Variants in PLXND1 observed in about 807,000 individuals in gnomAD.
PLXND1 encodes plexin-D1.
PLXND1 carries 54 observed loss-of-function variants against 197.7 expected under a neutral mutation model. The ratio of observed to expected loss-of-function variants is 0.27; its 90% CI spans 0.22 to 0.34. PLXND1 has a LOEUF of 0.34. Ranked by LOEUF, PLXND1 falls within the 10% of genes least tolerant of loss-of-function variation. The probability of loss-of-function intolerance (pLI) is 1.00; values close to 1 mark genes in which losing one functional copy is unlikely to be tolerated. For missense variants in PLXND1, 2,127 were observed against 2,699.2 expected (o/e 0.79, Z 4.70); for synonymous variants, 1,180 against 1,161.2 (o/e 1.02, Z -0.33).
At chr3:129,560,572 A>C (rs1578304919) in intron 30 of PLXND1, 117 bp downstream of exon 30, 1 of 966,708 alleles carries the variant, frequency 1.0e-6, no homozygotes, top group Non-Finnish European at 1.6e-6. Context: ...CTACTCCCCC[A>C]CCCCCCAGCC....
At chr3:129,589,760 GT>G (rs995311278) in intron 1 of PLXND1, among the ~76,000 whole-genome samples, 31 of 152,282 alleles carry the variant, frequency 2.0e-4, no homozygotes, top group African/African-American at 7.5e-4. Flanking sequence ...GATGTTCAAG[GT>G]ACACGGGAAC....
chr3:129,575,541 G>C lies in PLXND1; in HGVS notation c.2458C>G (p.Gln820Glu), dbSNP rs763611949. 9.0e-6 allele frequency: 14 copies of C among 1,556,584 alleles called. No homozygotes were observed. The South Asian group carries it at 1.4e-4, about 16-fold the overall frequency. The change falls in exon 11 of 36, where the codon CAG becomes GAG. Residue 820 changes from glutamine (Q) to glutamate (E), a missense_variant. Around this residue, in one of 6 missense-constraint regions of PLXND1, gnomAD observed 1,095 missense variants for 1,259.8 expected, o/e 0.87. Transcript: ENST00000324093. ...AGTTGGAGGCTGAGCGGGAACACCT[G>C]GCTCTTCCGGGTCGTGTGCAGCTGC... is the stretch of plus-strand genomic sequence containing the variant. ...QVVLHTTRKS[Q>E]VFPLSLQLKG...
Position 129,562,803 on chromosome 3 carries a change from T to C in PLXND1, c.4809A>G (p.Ala1603=). 1 of 1,601,630 alleles carries C rather than the reference T, an allele frequency of 6.2e-7. No homozygotes were observed. The highest frequency in any genetic ancestry group is 2.2e-5 in the East Asian group (1 of 44,504). The change falls in exon 27 of 36, where the codon GCA becomes GCG. Residue 1603 remains alanine (A), a synonymous_variant. Coordinates refer to ENST00000324093, the MANE Select transcript of PLXND1 (RefSeq NM_015103.3). The part of the protein sequence containing the change: ...KNVPYSQWPR[A]EDVDLEWFAS... ...CCCACCCACCAAGGTCGACGTCCTC[T>C]GCACGCGGCCACTGGGAGTAGGGCA...
At chr3:129,569,001 T>C (rs776282608) in intron 20 of PLXND1, among the ~76,000 whole-genome samples, 5 of 152,386 alleles carry the variant, frequency 3.3e-5, no homozygotes, top group South Asian at 2.1e-4. Context: ...TTCAGCTTTC[T>C]GTCTCTATGA....
intron 9 of PLXND1, among the ~76,000 whole-genome samples, chr3:129,576,630 C>A (rs1158915181): frequency 6.6e-6 from 1 of 152,156 alleles, no homozygotes; most frequent in African/African-American, 2.4e-5. Flanking sequence ...GCTGGAAGAG[C>A]CCTGGCCTGG....
intron 5 of PLXND1, among the ~76,000 whole-genome samples, chr3:129,585,435 G>A (rs903880848): frequency 3.9e-5 from 6 of 152,234 alleles, no homozygotes; most frequent in Non-Finnish European, 5.9e-5. Flanking sequence ...GGCACAAGCC[G>A]GGGGAGACCC....
chr3:129,562,538 C>T, intron 27 of PLXND1: 1 of 422,098 alleles, frequency 2.4e-6, no homozygotes, highest in Non-Finnish European at 4.2e-6. Flanking sequence ...CAACCCTACT[C>T]CAGCATCCCT....
Position 129,561,792 on chromosome 3 carries a change from G to A in PLXND1, c.4929+8C>T. 6.2e-7 allele frequency: 1 copy of A among 1,603,462 alleles called. No homozygotes were observed. ...GTGGGGAAATGGGGGCGGGGGGCAG[G>A]GCTGCACCTTGTAATGGGCCAGCGT... is the stretch of plus-strand genomic sequence containing the variant. On this transcript the variant is annotated splice_region_variant and intron_variant, in intron 28 of 35. Transcript: ENST00000324093.
At chr3:129,598,504 T>C (rs372947444) in intron 1 of PLXND1, among the ~76,000 whole-genome samples, 104 of 152,152 alleles carry the variant, frequency 6.8e-4, no homozygotes, top group African/African-American at 2.4e-3. Flanking sequence ...GCCTCTGGTA[T>C]GTGTGGGTGG....
At chr3:129,573,863 A>G in intron 12 of PLXND1, 118 bp from the exon 13 acceptor site, 1 of 1,136,216 alleles carries the variant, frequency 8.8e-7, no homozygotes. Flanking sequence ...GCTTAGAGGA[A>G]GGTCTGGAGG....
Position 129,560,323 on chromosome 3 carries a change from G to C in PLXND1, c.5133+7C>G. 1 of 1,581,310 alleles carries C rather than the reference G, an allele frequency of 6.3e-7. No individual in the cohort carries two copies. The highest frequency in any genetic ancestry group is 8.7e-7 in the Non-Finnish European group (1 of 1,149,994). ...CTGCACAGAGGGGAGACTGAGGCCG[G>C]ACTCACCTTGGTGGAGAGCAGGCGG... On this transcript the variant is annotated splice_region_variant and intron_variant, in intron 31 of 35. Transcript: ENST00000324093.
chr3:129,579,756 C>T (rs1192323002), intron 8 of PLXND1, among the ~76,000 whole-genome samples: 1 of 152,216 alleles, frequency 6.6e-6, no homozygotes, highest in African/African-American at 2.4e-5. Flanking sequence ...AAAGCAAAAG[C>T]GTCCATGGGC....
In PLXND1 at chr3:129,558,442, G is replaced by A. The variant is rs1395492724; in HGVS notation, c.5431C>T (p.Leu1811=). The A allele has an allele frequency of 1.9e-6, 3 of 1,613,582 alleles. No homozygotes were observed. The Admixed American group carries it at 5.0e-5, about 27-fold the overall frequency. The change falls in exon 33 of 36, where the codon CTG becomes TTG. Residue 1811 remains leucine (L), a synonymous_variant. Transcript: ENST00000324093. The surrounding 1 kb of genome is among the most constrained non-coding windows in gnomAD (Gnocchi z 4.1). ...GAACAGCTGACCTTGCCCAGCTGCA[G>A]GTCAGAGATGGAGCAGGCGTCGATG... ...AFIDACSISD[L]QLGKDSPTNK... is the part of the protein sequence containing the mutation.
chr3:129,559,643 G>A lies in PLXND1; in HGVS notation c.5274C>T (p.Thr1758=). Residue 1758 remains threonine, a synonymous_variant, in exon 32 of 36, where the codon ACC becomes ACT. Coordinates refer to ENST00000324093, the MANE Select transcript of PLXND1 (RefSeq NM_015103.3). ...ACCTGTTGGTCTTCCAGATGTGTAG[G>A]GTGTCGGGGTCGGAGATTCCCCTCT... is the stretch of plus-strand genomic sequence containing the variant. ...AEKRGISDPD[T]LHIWKTNSLP... is the part of the protein sequence containing the mutation. The A allele has an allele frequency of 6.2e-6, 10 of 1,608,956 alleles. No individual in the cohort carries two copies. The highest frequency in any genetic ancestry group is 8.5e-6 in the Non-Finnish European group (10 of 1,177,610).
In PLXND1 at chr3:129,606,042, C is replaced by T. The variant is rs762099940; in HGVS notation, c.598G>A (p.Ala200Thr). 9.4e-6 allele frequency: 15 copies of T among 1,592,674 alleles called. No homozygotes were observed. In the East Asian group the frequency reaches 2.0e-4, roughly 22 times the overall value. Reference sequence around the variant, plus strand: ...AGCAGGCGGCTGCCCCCCGCGCCCGCGGCGGGAGGCAGAACTAGCCCCACG... The same window carrying T: ...AGCAGGCGGCTGCCCCCCGCGCCCGTGGCGGGAGGCAGAACTAGCCCCACG... ...STVGLVLPPAAGAGGSRLLVG... is the reference protein window; with the variant it reads ...STVGLVLPPATGAGGSRLLVG... The change falls in exon 1 of 36, where the codon GCG (alanine) becomes ACG (threonine). Residue 200 changes from alanine to threonine, a missense_variant. Ala to Thr is a moderately conservative substitution (Grantham distance 58, BLOSUM62 0). Around this residue, in one of 6 missense-constraint regions of PLXND1, gnomAD observed 1,095 missense variants for 1,259.8 expected, o/e 0.87. Coordinates refer to ENST00000324093, the MANE Select transcript of PLXND1 (RefSeq NM_015103.3).
intron 29 of PLXND1, 50 bp downstream of exon 29, chr3:129,561,596 C>A (rs1367095022): frequency 1.6e-5 from 22 of 1,380,270 alleles, no homozygotes; most frequent in Non-Finnish European, 2.1e-5. Context: ...GGGATGGAAG[C>A]CCCTGTCCAC....
At chr3:129,582,169 A>T (rs763990373) in intron 8 of PLXND1, among the ~76,000 whole-genome samples, 1 of 152,262 alleles carries the variant, frequency 6.6e-6, no homozygotes, top group Non-Finnish European at 1.5e-5. Context: ...CTCTTCTTCA[A>T]AGCAGTTATG....
At chr3:129,591,375 G>C (rs905069422) in intron 1 of PLXND1, 1 of 152,508 alleles carries the variant, frequency 6.6e-6, no homozygotes, top group African/African-American at 2.4e-5. Flanking sequence ...CGTGCCTGTA[G>C]TTCCCAGCTA....
intron 11 of PLXND1, 84 bp from the exon 12 acceptor site, chr3:129,574,574 T>A: frequency 7.3e-7 from 1 of 1,364,264 alleles, no homozygotes; most frequent in Non-Finnish European, 1.0e-6. Flanking sequence ...ACAACAACTG[T>A]CAAGAGGTCT....
Sources: allele counts gnomAD v4.1 joint callset (sites outside exome capture counted in the v4.1 genomes callset), GRCh38; gene constraint gnomAD v4.1.1; regional missense constraint gnomAD v4.1.1; non-coding constraint Gnocchi (gnomAD v3.1); transcripts MANE v1.5; gene names NCBI Gene and HGNC (gene_info 2026-07-23, HGNC 2026-07-21).